The following C9orf43 variants were observed in gnomAD, a reference collection of about 807,000 sequenced individuals.
C9orf43 encodes the protein chromosome 9 open reading frame 43, also known as uncharacterized protein C9orf43.
Under a neutral mutation model 59.1 loss-of-function variants are expected in C9orf43, and 45 were observed. The ratio of observed to expected loss-of-function variants is 0.76; its 90% CI spans 0.60 to 0.98. The LOEUF is 0.98. C9orf43 is among the 50% of genes least tolerant of loss of function. The pLI is 0.00. For synonymous variants in C9orf43, 203 were observed against 196.8 expected, an observed-to-expected ratio of 1.03 and a Z score of -0.26; for missense variants, 533 against 554.9, an observed-to-expected ratio of 0.96 and a Z score of 0.40.
intron 3 of C9orf43, among the ~76,000 whole-genome samples, chr9:113,416,967 A>T (rs535315333): frequency 6.6e-6 from 1 of 152,232 alleles, no homozygotes; most frequent in East Asian, 1.9e-4. Flanking sequence ...TTGCTTTTTC[A>T]CAGAAGTCTT....
chr9:113,424,524 T>C (rs1042243123), intron 8 of C9orf43, among the ~76,000 whole-genome samples: 9 of 151,464 alleles, frequency 5.9e-5, no homozygotes, highest in East Asian at 1.9e-4. Context: ...TTCTTTCTTT[T>C]TTTTTTTTTT....
At chr9:113,413,324 G>A in intron 1 of C9orf43, 121 bp from the exon 2 acceptor site, 1 of 810,746 alleles carries the variant, frequency 1.2e-6, no homozygotes, top group Non-Finnish European at 1.8e-6. Flanking sequence ...TAATTATTTT[G>A]TGGCCATCAT....
intron 4 of C9orf43, among the ~76,000 whole-genome samples, chr9:113,419,765 G>A (rs117894888): frequency 0.011 from 1,718 of 152,298 alleles, 14 homozygotes; most frequent in Non-Finnish European, 0.019. Context: ...ATAGACCACA[G>A]CCTATCTTAT....
At chr9:113,424,990 GCTTTT>G in intron 8 of C9orf43, 24 bp from the exon 9 acceptor site, 5 of 1,597,880 alleles carry the variant, frequency 3.1e-6, no homozygotes, top group Non-Finnish European at 4.3e-6. Flanking sequence ...CTGCAGTAGA[GCTTTT>G]CTTTTTCTTT....
intron 1 of C9orf43, among the ~76,000 whole-genome samples, chr9:113,411,368 G>C (rs563604427): frequency 6.7e-6 from 1 of 149,914 alleles, no homozygotes; most frequent in East Asian, 2.0e-4. Flanking sequence ...CGCCGATTTC[G>C]GCTCACTGCA....
chr9:113,425,755 G>C (rs1828769575), intron 11 of C9orf43, 25 bp downstream of exon 11: 1 of 1,576,128 alleles, frequency 6.3e-7, no homozygotes, highest in Admixed American at 1.7e-5. Flanking sequence ...TGCTTGGTTG[G>C]GGGTGATAGG....
intron 3 of C9orf43, among the ~76,000 whole-genome samples, chr9:113,416,961 T>G (rs986654947): frequency 6.6e-6 from 1 of 152,220 alleles, no homozygotes; most frequent in Non-Finnish European, 1.5e-5. Context: ...TAAATGTTGC[T>G]TTTTCACAGA....
chr9:113,412,064 A>G (rs1432524898), intron 1 of C9orf43, among the ~76,000 whole-genome samples: 1 of 152,114 alleles, frequency 6.6e-6, no homozygotes, highest in Non-Finnish European at 1.5e-5. Context: ...TAGAAGCCTG[A>G]TTATAGAGAA....
Position 113,410,838 on chromosome 9 carries a change from G to A in C9orf43, c.-213G>A. ...TTACCACTTGATTTAGCAACCCTAAGCGGTTTGGAATCTGCTTTGCTCTCA... is the reference window on the plus strand; with the variant it reads ...TTACCACTTGATTTAGCAACCCTAAACGGTTTGGAATCTGCTTTGCTCTCA... On this transcript the variant is annotated 5_prime_UTR_variant, in exon 1 of 14. Transcript: ENST00000374165. 1 of 611,176 alleles carries A rather than the reference G, an allele frequency of 1.6e-6. No individual in the cohort carries two copies. 37.9% of individuals were successfully genotyped at this position (611,176 alleles called of 1,614,324 possible).
In C9orf43 at chr9:113,422,578, C is replaced by T. The variant is rs201811495; in HGVS notation, c.476C>T (p.Ser159Leu). ...CATGGGAAGAAGAAAAGAAAGAACT[C>T]GGCAGTGGTGAGTTTGATGTTTTTG... ...SQHGKKKRKN[S>L]AVKSKSFLGL... Residue 159 changes from serine to leucine, a missense_variant, in exon 6 of 14, where the codon TCG becomes TTG. By Grantham distance (145) the Ser-to-Leu change is moderately radical (BLOSUM62 -2). Transcript: ENST00000374165. The T allele has an allele frequency of 5.0e-5, 81 of 1,613,732 alleles. 1 individual carries two copies. Among genetic ancestry groups the T allele is most frequent in the South Asian group, 4.0e-4 (36 of 91,034 alleles).
intron 7 of C9orf43, among the ~76,000 whole-genome samples, 171 bp from the exon 8 acceptor site, chr9:113,423,995 A>G (rs1369015263): frequency 1.3e-5 from 2 of 152,236 alleles, no homozygotes; most frequent in African/African-American, 4.8e-5. Flanking sequence ...ATATGCAGCT[A>G]TGATGATCGT....
intron 7 of C9orf43, among the ~76,000 whole-genome samples, chr9:113,423,830 C>G (rs75184053): frequency 6.6e-6 from 1 of 152,268 alleles, no homozygotes; most frequent in East Asian, 1.9e-4. Context: ...GTGAGATGAC[C>G]TTTGAATTTT....
chr9:113,422,783 G>A (rs917095475), intron 6 of C9orf43, among the ~76,000 whole-genome samples, 198 bp downstream of exon 6: 8 of 152,038 alleles, frequency 5.3e-5, no homozygotes, highest in Admixed American at 1.3e-4. Context: ...CTTCCTATAG[G>A]GAGATGAAGA....
intron 9 of C9orf43, 113 bp from the exon 10 acceptor site, chr9:113,425,231 C>G (rs1182103912): frequency 1.3e-6 from 2 of 1,528,900 alleles, no homozygotes; most frequent in Admixed American, 3.5e-5. Flanking sequence ...GAAGCAGCCC[C>G]TCTGGCTTGG....
Position 113,425,702 on chromosome 9 carries a change from A to C in C9orf43, c.1002A>C (p.Pro334=), listed in dbSNP as rs759524254. Reference sequence around the variant, plus strand: ...TCCAGAGCACTTCACATAAACATCCAGTTACCACCGTTCATGACCGTCTCT... The same window carrying C: ...TCCAGAGCACTTCACATAAACATCCCGTTACCACCGTTCATGACCGTCTCT... ...PGIQSTSHKH[P]VTTVHDRLYG... is the part of the protein sequence containing the mutation. The change falls in exon 11 of 14, where the codon CCA becomes CCC. Residue 334 remains proline (P), a synonymous_variant. Coordinates refer to ENST00000374165, the MANE Select transcript of C9orf43 (RefSeq NM_001278629.2). The C allele has an allele frequency of 6.2e-7, 1 of 1,614,000 alleles. No individual in the cohort carries two copies. The highest frequency in any genetic ancestry group is 1.3e-5 in the African/African-American group (1 of 74,918).
At chr9:113,424,750 T>C (rs1828719492) in intron 8 of C9orf43, among the ~76,000 whole-genome samples, 1 of 152,122 alleles carries the variant, frequency 6.6e-6, no homozygotes, top group African/African-American at 2.4e-5. Context: ...GGTTTCGAAC[T>C]CCTGAGCTCA....
At position 113,422,563 on chromosome 9, in the gene C9orf43, A is replaced by G; in HGVS notation, c.461A>G (p.Lys154Arg). The change falls in exon 6 of 14, where the codon AAG becomes AGG. Residue 154 changes from lysine (K) to arginine (R), a missense_variant. Coordinates refer to ENST00000374165, the MANE Select transcript of C9orf43 (RefSeq NM_001278629.2). ...TEIHVSQHGK[K>R]KRKNSAVKSK... ...TTTTTCTCCAGCCAGCATGGGAAGA[A>G]GAAAAGAAAGAACTCGGCAGTGGTG... is the stretch of plus-strand genomic sequence containing the variant. 1 of 1,614,014 alleles carries G rather than the reference A, an allele frequency of 6.2e-7. No individual in the cohort carries two copies. The highest frequency in any genetic ancestry group is 8.5e-7 in the Non-Finnish European group (1 of 1,179,974).
At chr9:113,422,831 G>T (rs997943851) in intron 6 of C9orf43, among the ~76,000 whole-genome samples, 1 of 150,906 alleles carries the variant, frequency 6.6e-6, no homozygotes, top group Non-Finnish European at 1.5e-5. Flanking sequence ...TGCGTGTTCA[G>T]GGGGGGAGTT....
rs763891949 is a variant in C9orf43 at position 113,425,001 on chromosome 9, T to C, written c.808-18T>C. On this transcript the variant is annotated intron_variant, in intron 8 of 13. Transcript: ENST00000374165. ...AGACCTGCAGTAGAGCTTTTCTTTTTCTTTTTTCTTTCTCCAGAGACCAGC... is the reference window on the plus strand; with the variant it reads ...AGACCTGCAGTAGAGCTTTTCTTTTCCTTTTTTCTTTCTCCAGAGACCAGC... 1.9e-6 allele frequency: 3 copies of C among 1,605,974 alleles called. No individual in the cohort carries two copies. Among genetic ancestry groups the C allele is most frequent in the Non-Finnish European group, 2.5e-6 (3 of 1,178,680 alleles).
Sources: gnomAD v4.1 joint callset for allele counts (sites outside exome capture counted in the v4.1 genomes callset) on GRCh38, gnomAD v4.1.1 for gene constraint, MANE v1.5 for transcripts, NCBI Gene and HGNC (gene_info 2026-07-23, HGNC 2026-07-21) for gene names.